KCNIP4: variants seen among roughly 807,000 people sequenced by gnomAD.
KCNIP4 encodes the protein potassium voltage-gated channel interacting protein 4, also known as Kv channel-interacting protein 4.
In KCNIP4, 12 loss-of-function variants were observed where a neutral mutation model predicts 34.0. That is an observed-to-expected ratio of 0.35 (90% CI 0.23 to 0.57). KCNIP4 has a LOEUF of 0.57. Ranked by LOEUF, KCNIP4 falls within the 20% of genes least tolerant of loss-of-function variation. KCNIP4 has a pLI of 0.83. For synonymous variants in KCNIP4, 124 were observed against 102.2 expected (o/e 1.21, Z -1.29); for missense variants, 238 against 311.7 (o/e 0.76, Z 1.78).
At chr4:21,050,805 T>C (rs1742861387) in intron 1 of KCNIP4, among the ~76,000 whole-genome samples, 2 of 152,204 alleles carry the variant, frequency 1.3e-5, no homozygotes, top group Admixed American at 6.5e-5. Flanking sequence ...GATCGAGTAG[T>C]TGGAGATCAG....
At chr4:20,902,875 C>A (rs1421149746) in intron 1 of KCNIP4, among the ~76,000 whole-genome samples, 4 of 152,156 alleles carry the variant, frequency 2.6e-5, no homozygotes, top group Non-Finnish European at 5.9e-5. Flanking sequence ...TGTGTTCTCT[C>A]TGGTATGTGT....
intron 1 of KCNIP4, among the ~76,000 whole-genome samples, chr4:21,484,316 A>T (rs1413655456): frequency 6.6e-6 from 1 of 151,946 alleles, no homozygotes; most frequent in Admixed American, 6.6e-5. Context: ...AATCCCAGCT[A>T]CTCAGGAGGC....
chr4:20,809,830 C>A (rs1343313321), intron 3 of KCNIP4, among the ~76,000 whole-genome samples: 1 of 152,080 alleles, frequency 6.6e-6, no homozygotes, highest in Non-Finnish European at 1.5e-5. Context: ...CAGGAGTCTG[C>A]CCTTATATGA....
In KCNIP4 at chr4:21,075,963, GCCC is replaced by G. The variant is rs1456090034; in HGVS notation, c.62-193257_62-193255del. The stretch of plus-strand genomic sequence containing the variant: ...CTTTCTTTAAGAATGTTGAATACTG[GCCC>G]CCACTCTCTTCTGGCTTGAAGAGTT... On this transcript the variant is annotated intron_variant, in intron 1 of 8. Transcript: ENST00000382152. 3.3e-5 allele frequency among the ~76,000 whole-genome samples: 5 copies of G among 152,186 alleles called. No homozygotes were observed. The East Asian group carries it at 9.7e-4, about 29-fold the overall frequency.
intron 1 of KCNIP4, among the ~76,000 whole-genome samples, chr4:21,756,040 A>G (rs1033229051): frequency 1.3e-5 from 2 of 152,206 alleles, no homozygotes; most frequent in African/African-American, 4.8e-5. Flanking sequence ...TAGAATCAGA[A>G]TATTTGCTTG....
chr4:20,948,317 T>C (rs1035587187), intron 1 of KCNIP4, among the ~76,000 whole-genome samples: 3 of 152,332 alleles, frequency 2.0e-5, no homozygotes, highest in Non-Finnish European at 1.5e-5. Context: ...CCCAAATCTT[T>C]CATTTCTAGT....
chr4:20,873,051 C>T (rs1372105611), intron 2 of KCNIP4, among the ~76,000 whole-genome samples: 2 of 152,160 alleles, frequency 1.3e-5, no homozygotes, highest in Non-Finnish European at 2.9e-5. Flanking sequence ...CACTCAATAT[C>T]ACAAATTGTT....
chr4:21,401,441 T>C (rs1723549900), intron 1 of KCNIP4, among the ~76,000 whole-genome samples: 1 of 152,296 alleles, frequency 6.6e-6, no homozygotes, highest in East Asian at 1.9e-4. Flanking sequence ...CTTCCATTTG[T>C]CTTTTTCTGG....
At chr4:21,641,864 C>A (rs1746640518) in intron 1 of KCNIP4, among the ~76,000 whole-genome samples, 1 of 152,096 alleles carries the variant, frequency 6.6e-6, no homozygotes, top group Non-Finnish European at 1.5e-5. Context: ...CTGCTGAGTG[C>A]CCAATGTGCC....
At chr4:21,782,521 C>T (rs1305381240) in intron 1 of KCNIP4, among the ~76,000 whole-genome samples, 1 of 152,006 alleles carries the variant, frequency 6.6e-6, no homozygotes, top group Non-Finnish European at 1.5e-5. Context: ...TGGTGAGACT[C>T]CGTTTCTACA....
At chr4:21,922,873 C>A (rs1161834779) in intron 1 of KCNIP4, among the ~76,000 whole-genome samples, 2 of 152,118 alleles carry the variant, frequency 1.3e-5, no homozygotes, top group Non-Finnish European at 2.9e-5. Flanking sequence ...ATGATGCCCT[C>A]CAAAATCACA....
intron 1 of KCNIP4, among the ~76,000 whole-genome samples, chr4:21,908,905 T>C (rs1487806893): frequency 2.0e-5 from 3 of 152,260 alleles, no homozygotes; most frequent in Admixed American, 1.3e-4. Context: ...CAAAGTCAAC[T>C]ATGTTATAAC....
chr4:21,507,832 G>A (rs137940711), intron 1 of KCNIP4, among the ~76,000 whole-genome samples: 10 of 152,214 alleles, frequency 6.6e-5, no homozygotes, highest in Admixed American at 1.3e-4. Flanking sequence ...CCTAATTCTC[G>A]TCTAACAGCT....
rs528788635 is a variant in KCNIP4 at position 21,309,138 on chromosome 4, T to C, written c.62-426429A>G. Among the ~76,000 whole-genome samples, 8 of 152,290 alleles carry C rather than the reference T, an allele frequency of 5.3e-5. No individual in the cohort carries two copies. The South Asian group carries it at 1.2e-3, about 24-fold the overall frequency. Reference sequence around the variant, plus strand: ...AATGAAAGATTAGTTTGCCCTTTGATGAACTGAGGCAGGGAACAAAGGGAT... The same window carrying C: ...AATGAAAGATTAGTTTGCCCTTTGACGAACTGAGGCAGGGAACAAAGGGAT... On this transcript the variant is annotated intron_variant, in intron 1 of 8. Coordinates refer to ENST00000382152, the MANE Select transcript of KCNIP4 (RefSeq NM_025221.6).
intron 1 of KCNIP4, among the ~76,000 whole-genome samples, chr4:21,599,961 ATTCAGTAAT>A (rs1742968838): frequency 6.6e-6 from 1 of 152,106 alleles, no homozygotes; most frequent in Non-Finnish European, 1.5e-5. Context: ...TCTGGGTAGG[ATTCAGTAAT>A]AAATATCATT....
chr4:20,889,392 T>C (rs1297229685), intron 1 of KCNIP4, among the ~76,000 whole-genome samples: 2 of 152,124 alleles, frequency 1.3e-5, no homozygotes, highest in African/African-American at 2.4e-5. Flanking sequence ...TTATCTAAGG[T>C]ATTTGTTTTC....
At chr4:20,883,690 T>C (rs769499320) in intron 1 of KCNIP4, among the ~76,000 whole-genome samples, 6 of 152,032 alleles carry the variant, frequency 3.9e-5, no homozygotes, top group Non-Finnish European at 5.9e-5. Context: ...GTATCACTTG[T>C]TCCTTTTCTA....
chr4:21,821,000 C>T (rs1198533121), intron 1 of KCNIP4, among the ~76,000 whole-genome samples: 1 of 152,120 alleles, frequency 6.6e-6, no homozygotes, highest in East Asian at 1.9e-4. Flanking sequence ...AACATATTTT[C>T]AGCTGTGTTA....
intron 3 of KCNIP4, among the ~76,000 whole-genome samples, chr4:20,816,130 G>A (rs1716345751): frequency 6.6e-6 from 1 of 151,844 alleles, no homozygotes; most frequent in Admixed American, 6.6e-5. Flanking sequence ...GTGCACACCT[G>A]TAGTCCCAGC....
Sources: gnomAD v4.1 joint callset for allele counts (sites outside exome capture counted in the v4.1 genomes callset) on GRCh38, gnomAD v4.1.1 for gene constraint, MANE v1.5 for transcripts, NCBI Gene and HGNC (gene_info 2026-07-23, HGNC 2026-07-21) for gene names.